FREM2: variants seen among roughly 807,000 people sequenced by gnomAD.
FREM2 encodes FRAS1 related extracellular matrix 2.
In FREM2, 119 loss-of-function variants were observed where a neutral mutation model predicts 219.9. The observed-to-expected ratio is 0.54, with a 90% CI of 0.47 to 0.63. The LOEUF is 0.63. FREM2 is among the 30% of genes least tolerant of loss of function. FREM2 has a pLI of 0.00. For synonymous variants in FREM2, 1,562 were observed against 1,522.8 expected, an observed-to-expected ratio of 1.03 and a Z score of -0.60; for missense variants, 4,030 against 3,993.6, an observed-to-expected ratio of 1.01 and a Z score of -0.25.
intron 2 of FREM2, among the ~76,000 whole-genome samples, chr13:38,755,492 C>G (rs1872960434): frequency 6.6e-6 from 1 of 152,206 alleles, no homozygotes; most frequent in South Asian, 2.1e-4. Context: ...TTTCCACTTA[C>G]ACTGCTTTCT....
intron 2 of FREM2, among the ~76,000 whole-genome samples, chr13:38,724,558 T>G (rs776230426): frequency 1.3e-5 from 2 of 152,254 alleles, no homozygotes; most frequent in Non-Finnish European, 2.9e-5. Context: ...AGTAGCATTA[T>G]CACTCATTGA....
intron 6 of FREM2, among the ~76,000 whole-genome samples, chr13:38,799,990 C>T (rs148410732): frequency 2.6e-4 from 39 of 152,116 alleles, no homozygotes; most frequent in African/African-American, 9.2e-4. Context: ...TTGATATATG[C>T]GACTTTGTTA....
intron 6 of FREM2, among the ~76,000 whole-genome samples, chr13:38,793,551 T>C (rs1874648298): frequency 6.6e-6 from 1 of 152,192 alleles, no homozygotes; most frequent in Non-Finnish European, 1.5e-5. Flanking sequence ...GTCAATCTTA[T>C]AGGGCCCTGT....
chr13:38,711,629 C>A (rs1241798127), intron 2 of FREM2, among the ~76,000 whole-genome samples: 1 of 152,040 alleles, frequency 6.6e-6, no homozygotes, highest in Non-Finnish European at 1.5e-5. Flanking sequence ...ATAGAAGATT[C>A]CTAAAGTTTT....
chr13:38,760,366 C>T (rs1239227992), intron 2 of FREM2, among the ~76,000 whole-genome samples: 1 of 152,178 alleles, frequency 6.6e-6, no homozygotes. Context: ...AACCAGTAAC[C>T]TGGCAACTTC....
At chr13:38,848,351 G>T in intron 7 of FREM2, 110 bp from the exon 8 acceptor site, 1 of 813,442 alleles carries the variant, frequency 1.2e-6, no homozygotes, top group Non-Finnish European at 2.1e-6. Flanking sequence ...AGTTATGCTG[G>T]TCTCTATTTT....
At chr13:38,769,859 C>A in intron 4 of FREM2, 51 bp downstream of exon 4, 1 of 1,328,320 alleles carries the variant, frequency 7.5e-7, no homozygotes, top group Non-Finnish European at 1.1e-6. Context: ...GCTGCTATGA[C>A]AAAATACCTT....
chr13:38,842,857 G>A (rs1877011541), intron 6 of FREM2, among the ~76,000 whole-genome samples: 1 of 152,186 alleles, frequency 6.6e-6, no homozygotes, highest in African/African-American at 2.4e-5. Context: ...TTCTACGTTT[G>A]TAGGAAATAA....
chr13:38,741,353 A>G (rs1365796687), intron 2 of FREM2, among the ~76,000 whole-genome samples: 1 of 152,160 alleles, frequency 6.6e-6, no homozygotes, highest in Non-Finnish European at 1.5e-5. Context: ...ACATATTTTC[A>G]AATATGGAAG....
intron 6 of FREM2, among the ~76,000 whole-genome samples, chr13:38,843,260 T>C (rs1448229965): frequency 6.7e-6 from 1 of 148,624 alleles, no homozygotes; most frequent in African/African-American, 2.5e-5. Context: ...GATTGTTTTA[T>C]CCATTAAGTC....
At chr13:38,699,111 C>G (rs1870239913) in intron 2 of FREM2, among the ~76,000 whole-genome samples, 1 of 151,998 alleles carries the variant, frequency 6.6e-6, no homozygotes, top group African/African-American at 2.4e-5. Context: ...TGAAATAATC[C>G]AAATCTCTGT....
chr13:38,729,731 A>G (rs142852457), intron 2 of FREM2, among the ~76,000 whole-genome samples: 2 of 152,342 alleles, frequency 1.3e-5, no homozygotes, highest in African/African-American at 2.4e-5. Context: ...CGTTATATCT[A>G]GACGTTCCAC....
intron 4 of FREM2, among the ~76,000 whole-genome samples, chr13:38,772,809 G>A (rs1282166700): frequency 6.6e-6 from 1 of 151,512 alleles, no homozygotes; most frequent in Admixed American, 6.6e-5. Context: ...CAATTCTCCT[G>A]TCTCATCCTC....
At chr13:38,694,437 T>G (rs1294941999) in intron 1 of FREM2, among the ~76,000 whole-genome samples, 1 of 152,228 alleles carries the variant, frequency 6.6e-6, no homozygotes, top group Admixed American at 6.5e-5. Context: ...TTATGGAGAT[T>G]AGATAAGTGA....
At position 38,848,418 on chromosome 13, in the gene FREM2, TTTAA is replaced by T. The variant is rs550109147; in HGVS notation, c.6170-39_6170-36del. ...ATTTATGTCTTATAATTTTTTGAAATTTAATTAGTCCCCAACTGAATATTTTTTT... is the reference window on the plus strand; with the variant it reads ...ATTTATGTCTTATAATTTTTTGAAATTTAGTCCCCAACTGAATATTTTTTT... On this transcript the variant is annotated intron_variant, in intron 7 of 23. Coordinates refer to ENST00000280481, the MANE Select transcript of FREM2 (RefSeq NM_207361.6). The T allele has an allele frequency of 2.3e-3, 3,184 of 1,394,872 alleles. 10 individuals carry two copies. Among genetic ancestry groups the T allele is most frequent in the Non-Finnish European group, 2.7e-3 (2,678 of 979,888 alleles). 86.4% of individuals were successfully genotyped at this position (1,394,872 alleles called of 1,614,324 possible).
At chr13:38,703,463 A>G (rs555013416) in intron 2 of FREM2, among the ~76,000 whole-genome samples, 2 of 152,292 alleles carry the variant, frequency 1.3e-5, no homozygotes, top group East Asian at 1.9e-4. Flanking sequence ...CTACTAGAAT[A>G]CAGATCTTGG....
intron 2 of FREM2, among the ~76,000 whole-genome samples, chr13:38,757,537 C>T (rs564389251): frequency 6.6e-6 from 1 of 151,976 alleles, no homozygotes; most frequent in Non-Finnish European, 1.5e-5. Context: ...CCATGTGTGT[C>T]GTGGTGCTGT....
chr13:38,702,276 A>G (rs970981231), intron 2 of FREM2, among the ~76,000 whole-genome samples: 1 of 152,150 alleles, frequency 6.6e-6, no homozygotes, highest in African/African-American at 2.4e-5. Flanking sequence ...CAGAGCTCAT[A>G]TTATTCTTAA....
chr13:38,722,450 C>T (rs540555920), intron 2 of FREM2, among the ~76,000 whole-genome samples: 2 of 151,950 alleles, frequency 1.3e-5, no homozygotes. Flanking sequence ...GAGAGTAAAT[C>T]CTTAATCCTG....
Sources: gnomAD v4.1 joint callset for allele counts (sites outside exome capture counted in the v4.1 genomes callset) on GRCh38, gnomAD v4.1.1 for gene constraint, MANE v1.5 for transcripts, NCBI Gene and HGNC (gene_info 2026-07-23, HGNC 2026-07-21) for gene names.